Variants in POLE observed in about 807,000 individuals in gnomAD.
POLE encodes the protein DNA polymerase epsilon catalytic subunit A.
POLE carries 188 observed loss-of-function variants against 279.2 expected under a neutral mutation model. The ratio of observed to expected loss-of-function variants is 0.67; its 90% CI spans 0.60 to 0.76. The LOEUF (loss-of-function observed/expected upper bound fraction) is 0.76. POLE is among the 30% of genes least tolerant of loss of function. The pLI is 0.00. For missense variants in POLE, 2,703 were observed against 3,016.7 expected (o/e 0.90, Z 2.44); for synonymous variants, 1,214 against 1,172.5 (o/e 1.04, Z -0.72).
At position 132,668,383 on chromosome 12, in the gene POLE, C is replaced by A. The variant is rs1379490235; in HGVS notation, c.2146G>T (p.Ala716Ser). Residue 716 changes from alanine to serine, a missense_variant, in exon 19 of 49, where the codon GCG (alanine) becomes TCG (serine). Ala to Ser is a moderately conservative substitution (Grantham distance 99). Transcript: ENST00000320574. This position sits in a 1 kb window ranked among gnomAD's most constrained non-coding sequence, Gnocchi z 4.0. ...GCCAGCCTTCTCTTCTCGTATTTCG[C>A]CTGTTCCTCGCGGGACAGTTCATGA... The part of the protein sequence containing the change: ...AFHELSREEQ[A>S]KYEKRRLADY... The A allele has an allele frequency of 6.3e-7, 1 of 1,597,042 alleles. No individual in the cohort carries two copies. The highest frequency in any genetic ancestry group is 8.5e-7 in the Non-Finnish European group (1 of 1,171,100).
Position 132,681,248 on chromosome 12 carries a change from G to C in POLE, c.94C>G (p.Leu32Val), listed in dbSNP as rs781513537. The C allele has an allele frequency of 1.2e-6, 2 of 1,614,216 alleles. No individual in the cohort carries two copies. The highest frequency in any genetic ancestry group is 2.2e-5 in the South Asian group (2 of 91,092). ...DDGATSSVSA[L>V]KRLERSQWTD... ...CACTGACTCCGTTCCAGGCGCTTGA[G>C]TGCCGAAACTGAGGAAGTGGCGCCA... Residue 32 changes from leucine to valine, a missense_variant, in exon 2 of 49, where the codon CTC becomes GTC. Transcript: ENST00000320574.
chr12:132,642,161 C>T lies in POLE; in HGVS notation c.5173+16G>A. 6.6e-7 allele frequency: 1 copy of T among 1,526,484 alleles called. No individual in the cohort carries two copies. The highest frequency in any genetic ancestry group is 8.8e-7 in the Non-Finnish European group (1 of 1,132,900). The allele number at this position is 1,526,484 out of a possible 1,614,324, so 94.6% of individuals were successfully genotyped here. A position where few individuals can be genotyped will look rare whatever the true frequency, so the allele number is the denominator to read the frequency against. On this transcript the variant is annotated intron_variant, in intron 38 of 48. Transcript: ENST00000320574. ...ACCAGCCAGGTCTCATGGGCCTCGT[C>T]CTCCCGCCCACTTACCTGTGGAGTA...
intron 42 of POLE, 26 bp downstream of exon 42, chr12:132,635,866 C>G (rs202120601): frequency 6.3e-7 from 1 of 1,591,328 alleles, no homozygotes; most frequent in Non-Finnish European, 8.6e-7. Context: ...AAAGCTGGCT[C>G]GGGTGCCACA....
At chr12:132,667,694 G>A (rs1483813693) in intron 19 of POLE, 46 bp from the exon 20 acceptor site, 10 of 1,602,044 alleles carry the variant, frequency 6.2e-6, no homozygotes, top group South Asian at 1.1e-5. Flanking sequence ...AGATCTCCCA[G>A]AGCAGAGGGA....
At chr12:132,660,929 C>T (rs2138687713) in intron 25 of POLE, 40 bp downstream of exon 25, 1 of 1,499,694 alleles carries the variant, frequency 6.7e-7, no homozygotes, top group South Asian at 1.3e-5. Flanking sequence ...CTTCATCCTT[C>T]ATCCCTCAGA....
At position 132,649,316 on chromosome 12, in the gene POLE, T is replaced by C. The variant is rs757268276; in HGVS notation, c.3995A>G (p.Gln1332Arg). 4 of 1,613,610 alleles carry C rather than the reference T, an allele frequency of 2.5e-6. No individual in the cohort carries two copies. In the South Asian group the frequency reaches 3.3e-5, roughly 13 times the overall value. The change falls in exon 31 of 49, where the codon CAG (glutamine) becomes CGG (arginine). Residue 1332 changes from glutamine (Q) to arginine (R), a missense_variant. Around this residue, in one of 5 missense-constraint regions of POLE, gnomAD observed 1,551 missense variants for 1,686.1 expected, o/e 0.92. Coordinates refer to ENST00000320574, the MANE Select transcript of POLE (RefSeq NM_006231.4). ...GATCAAGGTCTATACCTGCACAATC[T>C]GCCACGGAAGGTCCAGGATGCTGCG... is the stretch of plus-strand genomic sequence containing the variant. ...TARSILDLPW[Q>R]IVQISETSQA...
In POLE at chr12:132,643,274, C is replaced by T. The variant is rs758114596; in HGVS notation, c.4501G>A (p.Gly1501Arg). Reference sequence around the variant, plus strand: ...CTGCGCTGTGAGGGGATGAAGATCCCGAAGAGCGCTTTGTGGGCCTGTGCG... The same window carrying T: ...CTGCGCTGTGAGGGGATGAAGATCCTGAAGAGCGCTTTGTGGGCCTGTGCG... ...HHAQAHKALF[G>R]IFIPSQRRAS... Residue 1501 changes from glycine to arginine, a missense_variant, in exon 35 of 49, where the codon GGG becomes AGG. Gly to Arg is a moderately radical substitution (Grantham distance 125, BLOSUM62 -2). Around this residue, in one of 5 missense-constraint regions of POLE, gnomAD observed 1,551 missense variants for 1,686.1 expected, o/e 0.92. Transcript: ENST00000320574. 9.3e-6 allele frequency: 15 copies of T among 1,613,766 alleles called. No homozygotes were observed. The highest frequency in any genetic ancestry group is 5.3e-5 in the African/African-American group (4 of 74,924).
chr12:132,681,358 T>TA (rs904559489), intron 1 of POLE, 79 bp from the exon 2 acceptor site: 1 of 1,484,520 alleles, frequency 6.7e-7, no homozygotes, highest in African/African-American at 1.4e-5. Flanking sequence ...TTTTCTTTTT[T>TA]TTTGAGACGG....
intron 42 of POLE, 79 bp downstream of exon 42, chr12:132,635,812 GC>G: frequency 1.3e-6 from 2 of 1,484,162 alleles, no homozygotes; most frequent in Non-Finnish European, 1.8e-6. Context: ...GCCCGCCGGG[GC>G]CCTGAGCACT....
intron 27 of POLE, 56 bp from the exon 28 acceptor site, chr12:132,657,485 G>A (rs1394654934): frequency 6.9e-7 from 1 of 1,439,138 alleles, no homozygotes; most frequent in Non-Finnish European, 9.8e-7. Context: ...CCAAGAGTGG[G>A]GCTCACTTCA....
chr12:132,664,801 C>T lies in POLE; in HGVS notation c.2469-339G>A, dbSNP rs2042754526. Among the ~76,000 whole-genome samples the T allele has an allele frequency of 6.6e-6, 1 of 152,154 alleles. No individual in the cohort carries two copies. Among genetic ancestry groups the T allele is most frequent in the Non-Finnish European group, 1.5e-5 (1 of 68,030 alleles). On this transcript the variant is annotated intron_variant, in intron 21 of 48. Coordinates refer to ENST00000320574, the MANE Select transcript of POLE (RefSeq NM_006231.4). This position sits in a 1 kb window ranked among gnomAD's most constrained non-coding sequence, Gnocchi z 5.3. ...CACCTCCTCCCAAGCCCCATTCTCA[C>T]CTCCAGCTTCTCAGAGAAAGCCCAG...
intron 15 of POLE, 60 bp from the exon 16 acceptor site, chr12:132,672,382 A>G: frequency 2.9e-6 from 4 of 1,393,374 alleles, no homozygotes; most frequent in Non-Finnish European, 4.1e-6. Context: ...AGCCTGCCTC[A>G]GGTTTGACGC....
chr12:132,652,159 A>G (rs1336122468), intron 29 of POLE, among the ~76,000 whole-genome samples: 1 of 152,034 alleles, frequency 6.6e-6, no homozygotes, highest in Non-Finnish European at 1.5e-5. Context: ...ACAATTATCA[A>G]CATTCTGCCT....
At chr12:132,679,428 G>A (rs771354620) in intron 6 of POLE, 69 bp downstream of exon 6, 26 of 1,464,008 alleles carry the variant, frequency 1.8e-5, no homozygotes, top group Non-Finnish European at 2.2e-5. Flanking sequence ...TTGTTGCTAC[G>A]TGTTCCTGTC....
rs2138533219 is a variant in POLE, at chr12:132,642,499, T to C, written c.4952+7A>G. The C allele has an allele frequency of 6.2e-7, 1 of 1,613,414 alleles. No homozygotes were observed. The highest frequency in any genetic ancestry group is 8.5e-7 in the Non-Finnish European group (1 of 1,179,832). ...CCACTGGCCCACAACGACAGTACTGTGCTCACCTGCTCATCTCGAAGGCCT... is the reference window on the plus strand; with the variant it reads ...CCACTGGCCCACAACGACAGTACTGCGCTCACCTGCTCATCTCGAAGGCCT... On this transcript the variant is annotated splice_region_variant and intron_variant, in intron 37 of 48. Transcript: ENST00000320574.
At chr12:132,674,796 C>T (rs1044044673) in intron 12 of POLE, among the ~76,000 whole-genome samples, 12 of 152,018 alleles carry the variant, frequency 7.9e-5, no homozygotes, top group African/African-American at 1.9e-4. Context: ...ATACAGAGGC[C>T]GTGGAGGCCC....
Position 132,624,400 on chromosome 12 carries a change from G to T in POLE, c.*297C>A. ...AGGTGTGGTGCAGGAAGCAACAGAG[G>T]CCTGGAAAAGCATTCACTGCGTGAG... On this transcript the variant is annotated 3_prime_UTR_variant, in exon 49 of 49. Transcript: ENST00000320574. 2.0e-6 allele frequency: 1 copy of T among 491,428 alleles called. No homozygotes were observed. The highest frequency in any genetic ancestry group is 2.3e-5 in the South Asian group (1 of 42,630). 30.4% of individuals were successfully genotyped at this position (491,428 alleles called of 1,614,324 possible). A position where few individuals can be genotyped will look rare whatever the true frequency, so the allele number is the denominator to read the frequency against.
At chr12:132,656,888 G>A (rs2042552663) in intron 29 of POLE, among the ~76,000 whole-genome samples, 1 of 152,198 alleles carries the variant, frequency 6.6e-6, no homozygotes, top group African/African-American at 2.4e-5. Flanking sequence ...TCTAAGTAGT[G>A]CACCCTAATA....
At chr12:132,666,573 C>A (rs571492687) in intron 20 of POLE, among the ~76,000 whole-genome samples, 1 of 152,258 alleles carries the variant, frequency 6.6e-6, no homozygotes, top group Non-Finnish European at 1.5e-5. Flanking sequence ...CAGAGTGAGA[C>A]CCCGTCTCCA....
Sources: gnomAD v4.1 joint callset for allele counts (sites outside exome capture counted in the v4.1 genomes callset) on GRCh38, gnomAD v4.1.1 for gene constraint, gnomAD v4.1.1 regional missense constraint, Gnocchi (gnomAD v3.1) non-coding constraint, MANE v1.5 for transcripts, NCBI Gene and HGNC (gene_info 2026-07-23, HGNC 2026-07-21) for gene names.